GALNTL6: variants seen among roughly 807,000 people sequenced by gnomAD.
GALNTL6 encodes the protein polypeptide N-acetylgalactosaminyltransferase like 6.
In GALNTL6, 46 loss-of-function variants were observed where a neutral mutation model predicts 73.7. The observed-to-expected ratio is 0.62, with a 90% CI of 0.49 to 0.80. The LOEUF (loss-of-function observed/expected upper bound fraction) is 0.80. Ranked by LOEUF, GALNTL6 falls within the 30% of genes least tolerant of loss-of-function variation. GALNTL6 has a pLI of 0.00. For missense variants in GALNTL6, 604 were observed against 755.0 expected (o/e 0.80, Z 2.34); for synonymous variants, 259 against 263.7 (o/e 0.98, Z 0.17).
chr4:172,967,955 C>T (rs1280361283), intron 10 of GALNTL6, among the ~76,000 whole-genome samples: 1 of 152,162 alleles, frequency 6.6e-6, no homozygotes, highest in Non-Finnish European at 1.5e-5. Context: ...AGAAAAGCTA[C>T]ATTTTCTACA....
At chr4:171,859,332 T>A (rs1237407580) in intron 2 of GALNTL6, among the ~76,000 whole-genome samples, 1 of 152,156 alleles carries the variant, frequency 6.6e-6, no homozygotes, top group East Asian at 1.9e-4. Flanking sequence ...CATTTTAAAA[T>A]TTTTTGAACT....
At chr4:172,231,920 G>T (rs1489933097) in intron 3 of GALNTL6, among the ~76,000 whole-genome samples, 1 of 151,944 alleles carries the variant, frequency 6.6e-6, no homozygotes, top group East Asian at 1.9e-4. Flanking sequence ...ATGACCAAGG[G>T]AAAATTGATC....
chr4:172,853,771 T>C (rs1743967229), intron 7 of GALNTL6, among the ~76,000 whole-genome samples: 1 of 152,188 alleles, frequency 6.6e-6, no homozygotes, highest in South Asian at 2.1e-4. Context: ...CAGATTTATA[T>C]TCCTAATATA....
intron 2 of GALNTL6, among the ~76,000 whole-genome samples, chr4:172,142,117 T>C (rs1198940875): frequency 3.3e-5 from 5 of 152,066 alleles, no homozygotes; most frequent in Non-Finnish European, 7.4e-5. Flanking sequence ...ATTTTGTTTA[T>C]ATTCTAAATT....
intron 2 of GALNTL6, among the ~76,000 whole-genome samples, chr4:172,039,057 A>G (rs1329619302): frequency 2.0e-5 from 3 of 152,182 alleles, no homozygotes; most frequent in Non-Finnish European, 4.4e-5. Context: ...TTTCATGATC[A>G]GGCTCCACTA....
intron 7 of GALNTL6, among the ~76,000 whole-genome samples, chr4:172,835,390 C>T (rs891180753): frequency 6.6e-6 from 1 of 152,152 alleles, no homozygotes; most frequent in African/African-American, 2.4e-5. Context: ...CAGGTATAGA[C>T]AATAACATGA....
intron 4 of GALNTL6, among the ~76,000 whole-genome samples, chr4:172,345,838 A>G (rs935232471): frequency 2.6e-5 from 4 of 152,354 alleles, no homozygotes; most frequent in East Asian, 1.9e-4. Flanking sequence ...TGCATTGTCA[A>G]ACTGCTGATC....
chr4:172,972,972 T>G (rs1750649267), intron 10 of GALNTL6, among the ~76,000 whole-genome samples: 1 of 152,158 alleles, frequency 6.6e-6, no homozygotes, highest in Non-Finnish European at 1.5e-5. Flanking sequence ...AATTGAGATT[T>G]AAAGGGAAAC....
chr4:172,475,040 T>A (rs1733183252), intron 5 of GALNTL6, among the ~76,000 whole-genome samples: 1 of 152,230 alleles, frequency 6.6e-6, no homozygotes, highest in African/African-American at 2.4e-5. Context: ...GTGCTGAGTG[T>A]AATTTTATTT....
intron 3 of GALNTL6, among the ~76,000 whole-genome samples, chr4:172,305,943 G>T (rs2654774): frequency 0.81 from 122,657 of 152,138 alleles, 50,034 homozygotes; most frequent in Non-Finnish European, 0.87. Context: ...TTGACAGATG[G>T]TCTAATGAAT....
chr4:172,394,704 T>G (rs2111310200), intron 5 of GALNTL6, among the ~76,000 whole-genome samples: 1 of 152,168 alleles, frequency 6.6e-6, no homozygotes, highest in Middle Eastern at 3.4e-3. Flanking sequence ...AGTGCTGGGA[T>G]TACAGGCATG....
intron 3 of GALNTL6, among the ~76,000 whole-genome samples, chr4:172,283,116 A>G (rs1290273541): frequency 1.3e-5 from 2 of 152,206 alleles, no homozygotes; most frequent in African/African-American, 4.8e-5. Context: ...TCTGCGATCA[A>G]CACTTCTAAG....
At chr4:172,317,794 A>G (rs1268119905) in intron 4 of GALNTL6, among the ~76,000 whole-genome samples, 3 of 152,224 alleles carry the variant, frequency 2.0e-5, no homozygotes, top group Non-Finnish European at 1.5e-5. Context: ...AAGCCACATA[A>G]AAAGTGAATA....
chr4:173,005,524 A>AT (rs1752238278), intron 10 of GALNTL6, among the ~76,000 whole-genome samples: 3 of 7,430 alleles, frequency 4.0e-4, no homozygotes, highest in South Asian at 0.14. Context: ...TCTTGTCTAC[A>AT]TTTAAAAAAA....
intron 5 of GALNTL6, among the ~76,000 whole-genome samples, chr4:172,741,077 CTGAATTAGTGAATGT>C (rs6148790): frequency 0.36 from 54,163 of 151,542 alleles, 10,658 homozygotes; most frequent in African/African-American, 0.52. Context: ...ACCGTGAACA[CTGAATTAGTGAATGT>C]TGAATCATTG....
chr4:172,798,857 A>G (rs1740439204), intron 5 of GALNTL6, among the ~76,000 whole-genome samples: 1 of 152,234 alleles, frequency 6.6e-6, no homozygotes, highest in African/African-American at 2.4e-5. Context: ...AATCATAAAT[A>G]TACTGGTTCT....
chr4:171,862,088 C>G (rs990021388), intron 2 of GALNTL6, among the ~76,000 whole-genome samples: 3 of 152,116 alleles, frequency 2.0e-5, no homozygotes, highest in African/African-American at 7.2e-5. Flanking sequence ...ATTTAGCAAG[C>G]TTGGGATAAC....
intron 10 of GALNTL6, among the ~76,000 whole-genome samples, chr4:172,960,876 T>C (rs1274086447): frequency 6.6e-6 from 1 of 150,706 alleles, no homozygotes; most frequent in Non-Finnish European, 1.5e-5. Flanking sequence ...GAATGGAGGG[T>C]GGAAGGCTGC....
intron 5 of GALNTL6, among the ~76,000 whole-genome samples, chr4:172,496,658 G>A (rs918458234): frequency 2.6e-5 from 4 of 152,142 alleles, no homozygotes; most frequent in Non-Finnish European, 4.4e-5. Flanking sequence ...ACTCCAGCCT[G>A]GGCAACAGAG....
Sources: gnomAD v4.1 joint callset for allele counts (sites outside exome capture counted in the v4.1 genomes callset) on GRCh38, gnomAD v4.1.1 for gene constraint, MANE v1.5 for transcripts, NCBI Gene and HGNC (gene_info 2026-07-23, HGNC 2026-07-21) for gene names.